VTI1A: variants seen among roughly 807,000 people sequenced by gnomAD.
The protein encoded by VTI1A is vesicle transport through interaction with t-SNAREs homolog 1A.
VTI1A carries 22 observed loss-of-function variants against 34.9 expected under a neutral mutation model. The ratio of observed to expected loss-of-function variants is 0.63; its 90% CI spans 0.45 to 0.90. VTI1A has a LOEUF of 0.90. VTI1A is among the 40% of genes least tolerant of loss of function. The pLI is 0.00. For synonymous variants in VTI1A, 87 were observed against 97.3 expected, an observed-to-expected ratio of 0.89 and a Z score of 0.62; for missense variants, 268 against 275.6, an observed-to-expected ratio of 0.97 and a Z score of 0.20.
intron 7 of VTI1A, among the ~76,000 whole-genome samples, chr10:112,694,099 G>A (rs868225246): frequency 4.6e-5 from 7 of 152,066 alleles, no homozygotes; most frequent in South Asian, 2.1e-4. Context: ...CCAGCTACTC[G>A]GGAGGCTGAG....
At chr10:112,834,381 A>G in the VTI1A span, among the ~76,000 whole-genome samples, 1 of 152,234 alleles carries the variant, frequency 6.6e-6, no homozygotes, top group Non-Finnish European at 1.5e-5. Context: ...AGTTGAGAAC[A>G]TCAAGAGCAC....
the VTI1A span, among the ~76,000 whole-genome samples, chr10:112,830,849 A>ATATATATAT: frequency 3.9e-4 from 13 of 33,490 alleles, no homozygotes; most frequent in African/African-American, 7.2e-4. Context: ...ATATATATAT[A>ATATATATAT]TTTTTTTTTT....
At chr10:112,787,108 A>G (rs990256504) in intron 7 of VTI1A, among the ~76,000 whole-genome samples, 5 of 152,106 alleles carry the variant, frequency 3.3e-5, no homozygotes, top group Non-Finnish European at 5.9e-5. Flanking sequence ...CAGGTATTCT[A>G]TGTTTTCTTG....
At chr10:112,697,390 TTTTCTTTTC>T (rs1461078181) in intron 7 of VTI1A, among the ~76,000 whole-genome samples, 58 of 133,816 alleles carry the variant, frequency 4.3e-4, no homozygotes, top group African/African-American at 1.9e-3. Context: ...TTTTCTTTTC[TTTTCTTTTC>T]TTTTTTTTTT....
chr10:112,608,244 A>T (rs1316277802), intron 5 of VTI1A, among the ~76,000 whole-genome samples: 1 of 152,214 alleles, frequency 6.6e-6, no homozygotes, highest in Non-Finnish European at 1.5e-5. Context: ...CAAGACTTCC[A>T]CATCATTTAC....
intron 7 of VTI1A, among the ~76,000 whole-genome samples, chr10:112,710,233 A>T (rs1238030242): frequency 7.4e-6 from 1 of 134,942 alleles, no homozygotes. Flanking sequence ...TCCGAGATGG[A>T]GTCTTGCTCT....
intron 3 of VTI1A, among the ~76,000 whole-genome samples, chr10:112,505,208 C>T (rs1421652238): frequency 6.6e-6 from 1 of 152,058 alleles, no homozygotes; most frequent in Admixed American, 6.6e-5. Context: ...TTTTGCACCT[C>T]AGGATTATAA....
chr10:112,466,107 G>T (rs1847886104), intron 3 of VTI1A, among the ~76,000 whole-genome samples: 1 of 152,164 alleles, frequency 6.6e-6, no homozygotes, highest in African/African-American at 2.4e-5. Context: ...CATGTGTTGG[G>T]TGATAAATCA....
intron 5 of VTI1A, among the ~76,000 whole-genome samples, chr10:112,543,005 ACTC>A (rs2134268672): frequency 6.6e-6 from 1 of 151,776 alleles, no homozygotes; most frequent in South Asian, 2.1e-4. Context: ...AAGGACATGA[ACTC>A]CTCCTTTTTT....
chr10:112,844,081 C>T, the VTI1A span, among the ~76,000 whole-genome samples: 1 of 151,810 alleles, frequency 6.6e-6, no homozygotes, highest in African/African-American at 2.4e-5. Context: ...TGTGCTTTGG[C>T]TTAAGATGTC....
At chr10:112,603,807 C>G (rs550794407) in intron 5 of VTI1A, among the ~76,000 whole-genome samples, 2 of 152,244 alleles carry the variant, frequency 1.3e-5, no homozygotes, top group East Asian at 3.9e-4. Flanking sequence ...CCCACCCAAG[C>G]GTACAAGGCC....
At chr10:112,703,923 C>A (rs1161459842) in intron 7 of VTI1A, among the ~76,000 whole-genome samples, 3 of 152,136 alleles carry the variant, frequency 2.0e-5, no homozygotes. Flanking sequence ...GTGTTGAGGT[C>A]TTGAAGGGCC....
rs111727901 is a variant in VTI1A at position 112,692,940 on chromosome 10, T to C, written c.560+23942T>C. ...CTCTGCCTCACCGTGTCAGTAAATC[T>C]GGTGCCTTGTGCATAATATGCATTC... On this transcript the variant is annotated intron_variant, in intron 7 of 7. Coordinates refer to ENST00000393077, the MANE Select transcript of VTI1A (RefSeq NM_145206.4). 7.4e-3 allele frequency among the ~76,000 whole-genome samples: 1,133 copies of C among 152,326 alleles called. 13 individuals carry two copies. The highest frequency in any genetic ancestry group is 0.026 in the African/African-American group (1,095 of 41,576).
intron 7 of VTI1A, among the ~76,000 whole-genome samples, chr10:112,761,057 C>CT (rs1485948736): frequency 6.6e-6 from 1 of 152,098 alleles, no homozygotes; most frequent in Non-Finnish European, 1.5e-5. Flanking sequence ...GAGCATTTAA[C>CT]TTTTTTTATT....
At chr10:112,569,205 G>A (rs1852025571) in intron 5 of VTI1A, among the ~76,000 whole-genome samples, 1 of 151,836 alleles carries the variant, frequency 6.6e-6, no homozygotes, top group Non-Finnish European at 1.5e-5. Context: ...GGTTAATTGT[G>A]TGCCTTCTAG....
At chr10:112,835,044 G>A in the VTI1A span, among the ~76,000 whole-genome samples, 4 of 152,180 alleles carry the variant, frequency 2.6e-5, no homozygotes, top group East Asian at 7.7e-4. Context: ...AAAAAAAAAT[G>A]GCATGTCTGA....
intron 7 of VTI1A, among the ~76,000 whole-genome samples, chr10:112,686,138 C>T (rs1421620804): frequency 1.3e-5 from 2 of 151,984 alleles, no homozygotes; most frequent in African/African-American, 4.8e-5. Context: ...TCCTGAGTTA[C>T]GATACTTATA....
At chr10:112,757,244 G>A (rs142341640) in intron 7 of VTI1A, among the ~76,000 whole-genome samples, 93 of 151,718 alleles carry the variant, frequency 6.1e-4, no homozygotes, top group Non-Finnish European at 1.2e-3. Context: ...GATGAGTGCT[G>A]GGAGGGAAGA....
At chr10:112,522,407 A>C (rs1192425864) in intron 3 of VTI1A, among the ~76,000 whole-genome samples, 1 of 152,094 alleles carries the variant, frequency 6.6e-6, no homozygotes, top group Non-Finnish European at 1.5e-5. Flanking sequence ...TACCAAAACC[A>C]TACTGCACTC....
Sources: allele counts gnomAD v4.1 joint callset (sites outside exome capture counted in the v4.1 genomes callset), GRCh38; gene constraint gnomAD v4.1.1; transcripts MANE v1.5; gene names NCBI Gene and HGNC (gene_info 2026-07-23, HGNC 2026-07-21).